BDP1: variants seen among roughly 807,000 people sequenced by gnomAD.
The protein encoded by BDP1 is transcription factor TFIIIB component B'' homolog.
BDP1 carries 169 observed loss-of-function variants against 266.6 expected under a neutral mutation model. That is an observed-to-expected ratio of 0.63 (90% CI 0.56 to 0.72). BDP1 has a LOEUF of 0.72. Ranked by LOEUF, BDP1 falls within the 30% of genes least tolerant of loss-of-function variation. The pLI, the probability that BDP1 is intolerant of heterozygous loss-of-function variation, is 0.00. For missense variants in BDP1, 3,015 were observed against 3,053.8 expected, an observed-to-expected ratio of 0.99 and a Z score of 0.30; for synonymous variants, 1,090 against 1,022.4, an observed-to-expected ratio of 1.07 and a Z score of -1.26.
intron 22 of BDP1, among the ~76,000 whole-genome samples, chr5:71,521,514 A>G (rs1377604487): frequency 1.3e-5 from 2 of 151,682 alleles, no homozygotes; most frequent in Non-Finnish European, 2.9e-5. Context: ...CTGGTCTCAA[A>G]CTCCCGACCT....
At chr5:71,474,618 G>T (rs1293998964) in intron 7 of BDP1, among the ~76,000 whole-genome samples, 1 of 151,796 alleles carries the variant, frequency 6.6e-6, no homozygotes, top group African/African-American at 2.4e-5. Context: ...GAGGCTGAGG[G>T]GGGTGGGTCA....
intron 9 of BDP1, among the ~76,000 whole-genome samples, chr5:71,487,675 C>G (rs1424162150): frequency 6.6e-6 from 1 of 152,112 alleles, no homozygotes; most frequent in Non-Finnish European, 1.5e-5. Context: ...TTGGGGGTCC[C>G]CACGACCACC....
At chr5:71,564,044 G>C (rs1743863016) in intron 38 of BDP1, among the ~76,000 whole-genome samples, 1 of 152,072 alleles carries the variant, frequency 6.6e-6, no homozygotes. Flanking sequence ...AATTTGTTTT[G>C]GTAAGGTATT....
chr5:71,527,903 C>T (rs1231502987), intron 25 of BDP1, among the ~76,000 whole-genome samples: 1 of 151,130 alleles, frequency 6.6e-6, no homozygotes, highest in Non-Finnish European at 1.5e-5. Flanking sequence ...ACTGTAACCT[C>T]CATCTCCCAG....
At chr5:71,474,321 A>G (rs962922199) in intron 7 of BDP1, among the ~76,000 whole-genome samples, 7 of 148,422 alleles carry the variant, frequency 4.7e-5, no homozygotes, top group Non-Finnish European at 7.4e-5. Flanking sequence ...GTGTCCCACA[A>G]ATTTTGATTT....
chr5:71,509,766 A>G lies in BDP1; in HGVS notation c.2674A>G (p.Ile892Val), dbSNP rs781123409. 3 of 1,614,056 alleles carry G rather than the reference A, an allele frequency of 1.9e-6. No homozygotes were observed. Among genetic ancestry groups the G allele is most frequent in the African/African-American group, 2.7e-5 (2 of 74,938 alleles). ...TCCCAGGGAGAAGATTCTAGATGTG[A>G]TTGATGACACCATAGAAATGGAGAC... ...ISPREKILDV[I>V]DDTIEMETGL... The change falls in exon 17 of 39, where the codon ATT (isoleucine) becomes GTT (valine). Residue 892 changes from isoleucine (I) to valine (V), a missense_variant. Transcript: ENST00000358731.
At chr5:71,576,882 C>T in the BDP1 span, among the ~76,000 whole-genome samples, 1 of 149,952 alleles carries the variant, frequency 6.7e-6, no homozygotes, top group South Asian at 2.2e-4. Context: ...GCAGCATTCC[C>T]ATTTATGAAT....
rs368650102 is a variant in BDP1 at position 71,511,114 on chromosome 5, G to A, written c.4022G>A (p.Ser1341Asn). 1 of 1,614,090 alleles carries A rather than the reference G, an allele frequency of 6.2e-7. No homozygotes were observed. The highest frequency in any genetic ancestry group is 8.5e-7 in the Non-Finnish European group (1 of 1,179,972). ...QTDTHLMQSG[S>N]NDFSAVPSLD... Reference sequence around the variant, plus strand: ...GACACACATTTAATGCAGAGCGGTAGCAATGACTTCAGTGCTGTGCCTTCA... The same window carrying A: ...GACACACATTTAATGCAGAGCGGTAACAATGACTTCAGTGCTGTGCCTTCA... The change falls in exon 17 of 39, where the codon AGC (serine) becomes AAC (asparagine). Residue 1341 changes from serine (S) to asparagine (N), a missense_variant. Physicochemically the swap from Ser to Asn is conservative, Grantham distance 46. This residue lies in a region of BDP1 where 2,383 missense variants were observed against 2,404.9 expected (regional missense o/e 0.99). Coordinates refer to ENST00000358731, the MANE Select transcript of BDP1 (RefSeq NM_018429.3).
intron 25 of BDP1, among the ~76,000 whole-genome samples, chr5:71,531,065 CT>C (rs1471919934): frequency 6.6e-6 from 1 of 151,896 alleles, no homozygotes; most frequent in African/African-American, 2.4e-5. Flanking sequence ...TAGAGTGAGG[CT>C]TTGTCTCAAA....
intron 4 of BDP1, among the ~76,000 whole-genome samples, chr5:71,464,413 C>T (rs369408916): frequency 1.2e-4 from 18 of 151,996 alleles, no homozygotes; most frequent in Admixed American, 4.6e-4. Flanking sequence ...GAGGATCGCT[C>T]GAGCCCACAT....
intron 7 of BDP1, among the ~76,000 whole-genome samples, chr5:71,471,075 A>G (rs558865882): frequency 4.6e-5 from 7 of 151,910 alleles, no homozygotes; most frequent in African/African-American, 1.7e-4. Context: ...CAACTAAGAT[A>G]TAAGAAGAGT....
In BDP1 at chr5:71,466,222, G is replaced by T. The variant is rs1761896169; in HGVS notation, c.785+1G>T. 1 of 1,613,736 alleles carries T rather than the reference G, an allele frequency of 6.2e-7. No homozygotes were observed. The highest frequency in any genetic ancestry group is 8.5e-7 in the Non-Finnish European group (1 of 1,179,944). On this transcript the variant is annotated splice_donor_variant, in intron 5 of 38. Coordinates refer to ENST00000358731, the MANE Select transcript of BDP1 (RefSeq NM_018429.3). LOFTEE classifies it high-confidence loss of function. ...GTTCCATTATTTTGGATGAAGAAAGGTATTTAGAAAAGAGAAAAAGTGAGA... is the reference window on the plus strand; with the variant it reads ...GTTCCATTATTTTGGATGAAGAAAGTTATTTAGAAAAGAGAAAAAGTGAGA...
intron 25 of BDP1, among the ~76,000 whole-genome samples, chr5:71,526,367 A>G (rs1765876136): frequency 6.6e-6 from 1 of 151,206 alleles, no homozygotes; most frequent in Admixed American, 6.6e-5. Context: ...CTATAATCCC[A>G]GCACTTTGGG....
chr5:71,555,826 G>T (rs1743180524), intron 35 of BDP1, among the ~76,000 whole-genome samples: 2 of 151,990 alleles, frequency 1.3e-5, no homozygotes, highest in Non-Finnish European at 2.9e-5. Flanking sequence ...CTTTTTTCAA[G>T]TTTCTCCTCA....
chr5:71,539,470 G>C (rs958417397), intron 27 of BDP1, 87 bp from the exon 28 acceptor site: 3 of 1,009,146 alleles, frequency 3.0e-6, no homozygotes, highest in Non-Finnish European at 4.5e-6. Flanking sequence ...GCTCCTAGGA[G>C]ATAAACACCT....
At chr5:71,569,678 G>A (rs1744201477), downstream of BDP1, among the ~76,000 whole-genome samples, 2 of 152,186 alleles carry the variant, frequency 1.3e-5, no homozygotes, top group Admixed American at 1.3e-4. Flanking sequence ...CCCAGAGGTG[G>A]AGGTTGCAGT....
chr5:71,552,125 G>C (rs1742834263), intron 34 of BDP1, among the ~76,000 whole-genome samples: 1 of 145,520 alleles, frequency 6.9e-6, no homozygotes, highest in Non-Finnish European at 1.5e-5. Flanking sequence ...CGGGCGGAGG[G>C]GCTCCTCACT....
chr5:71,486,753 G>C, intron 9 of BDP1, 126 bp downstream of exon 9: 1 of 712,904 alleles, frequency 1.4e-6, no homozygotes, highest in Non-Finnish European at 2.1e-6. Flanking sequence ...TCCAGTTGGA[G>C]GGAGTATATG....
At chr5:71,564,369 CAG>C (rs1385191599) in intron 38 of BDP1, among the ~76,000 whole-genome samples, 5 of 150,626 alleles carry the variant, frequency 3.3e-5, no homozygotes, top group Admixed American at 2.7e-4. Flanking sequence ...TATTTAGTGA[CAG>C]ATTTAACCAT....
Sources: gnomAD v4.1 joint callset for allele counts (sites outside exome capture counted in the v4.1 genomes callset) on GRCh38, gnomAD v4.1.1 for gene constraint, gnomAD v4.1.1 regional missense constraint, MANE v1.5 for transcripts, NCBI Gene and HGNC (gene_info 2026-07-23, HGNC 2026-07-21) for gene names.